Variants in BBS9 observed in about 807,000 individuals in gnomAD.
BBS9 encodes Bardet-Biedl syndrome 9.
In BBS9, 89 loss-of-function variants were observed where a neutral mutation model predicts 117.7. That is an observed-to-expected ratio of 0.76 (90% confidence interval 0.64 to 0.90). The LOEUF (loss-of-function observed/expected upper bound fraction) is 0.90, where lower values mean the gene tolerates loss of function less well. Among genes scored for constraint, BBS9 ranks in the 40% least tolerant of loss-of-function variants. The pLI is 0.00. For missense variants in BBS9, 982 were observed against 1,042.2 expected, an observed-to-expected ratio of 0.94 and a Z score of 0.80; for synonymous variants, 379 against 370.9, an observed-to-expected ratio of 1.02 and a Z score of -0.25.
intron 9 of BBS9, among the ~76,000 whole-genome samples, chr7:33,274,392 T>A (rs1235215444): frequency 1.3e-5 from 2 of 152,244 alleles, no homozygotes; most frequent in Non-Finnish European, 2.9e-5. Context: ...GAATTGTTAA[T>A]GATCATGTGT....
intron 19 of BBS9, among the ~76,000 whole-genome samples, chr7:33,401,026 T>C (rs572771879): frequency 6.6e-6 from 1 of 152,344 alleles, no homozygotes; most frequent in Admixed American, 6.5e-5. Flanking sequence ...GGGCCACCTG[T>C]ATTTTTGTTT....
chr7:33,167,778 G>A (rs548217289), intron 4 of BBS9, among the ~76,000 whole-genome samples: 19 of 152,150 alleles, frequency 1.2e-4, no homozygotes, highest in Admixed American at 4.6e-4. Flanking sequence ...AGTGCTTGTC[G>A]GGGTCCTTTC....
chr7:33,158,145 C>A (rs769006584), intron 4 of BBS9, among the ~76,000 whole-genome samples: 10 of 152,306 alleles, frequency 6.6e-5, no homozygotes, highest in South Asian at 2.1e-4. Flanking sequence ...TTTTGACAGT[C>A]TTACGTAATC....
intron 16 of BBS9, among the ~76,000 whole-genome samples, chr7:33,367,346 T>G (rs1203036807): frequency 6.6e-6 from 1 of 152,224 alleles, no homozygotes; most frequent in Admixed American, 6.5e-5. Context: ...TTTGATGTGT[T>G]TTACTCCATT....
intron 1 of BBS9, among the ~76,000 whole-genome samples, chr7:33,136,338 G>T (rs889081347): frequency 3.9e-5 from 6 of 152,092 alleles, no homozygotes; most frequent in African/African-American, 4.8e-5. Context: ...CAATTTGGAA[G>T]CCTTTTATTT....
intron 19 of BBS9, among the ~76,000 whole-genome samples, chr7:33,406,656 T>C (rs4720117): frequency 0.61 from 91,329 of 148,612 alleles, 27,863 homozygotes; most frequent in African/African-American, 0.69. Context: ...TCAGCATTTG[T>C]TTGTCTGTAA....
At chr7:33,407,239 T>C (rs983306589) in intron 19 of BBS9, among the ~76,000 whole-genome samples, 16 of 152,236 alleles carry the variant, frequency 1.1e-4, no homozygotes, top group Admixed American at 1.0e-3. Context: ...CTCCTGAGGC[T>C]TCTGCATTCT....
chr7:33,363,334 C>T (rs1241884482), intron 16 of BBS9, among the ~76,000 whole-genome samples: 3 of 152,174 alleles, frequency 2.0e-5, no homozygotes, highest in Non-Finnish European at 4.4e-5. Flanking sequence ...AACTCCTGAC[C>T]TCAGGTGATC....
At chr7:33,451,984 G>T (rs1362190396) in intron 19 of BBS9, among the ~76,000 whole-genome samples, 3 of 151,910 alleles carry the variant, frequency 2.0e-5, no homozygotes, top group Non-Finnish European at 2.9e-5. Context: ...CAGGTGTGCA[G>T]CACCATGCCC....
At chr7:33,403,208 T>C (rs1829236152) in intron 19 of BBS9, among the ~76,000 whole-genome samples, 1 of 151,960 alleles carries the variant, frequency 6.6e-6, no homozygotes, top group South Asian at 2.1e-4. Context: ...GTAGTGAACA[T>C]GGTACCCAGT....
intron 9 of BBS9, among the ~76,000 whole-genome samples, chr7:33,315,161 G>C (rs1320959233): frequency 6.6e-6 from 1 of 152,126 alleles, no homozygotes; most frequent in African/African-American, 2.4e-5. Flanking sequence ...TTCTCTCACG[G>C]TTCTGGAGGA....
intron 9 of BBS9, among the ~76,000 whole-genome samples, chr7:33,281,366 CTTTTTTTTTTT>C (rs397890694): frequency 3.4e-4 from 15 of 43,852 alleles, no homozygotes; most frequent in African/African-American, 1.4e-3. Context: ...TGGTCTATGC[CTTTTTTTTTTT>C]TTTTTTTTTT....
At chr7:33,149,979 C>T (rs530606046) in intron 2 of BBS9, among the ~76,000 whole-genome samples, 57 of 152,170 alleles carry the variant, frequency 3.7e-4, no homozygotes, top group Admixed American at 8.5e-4. Context: ...GGAAGCTCAG[C>T]GGGGAATGTT....
intron 21 of BBS9, among the ~76,000 whole-genome samples, chr7:33,612,598 G>A (rs1266348369): frequency 2.0e-5 from 3 of 151,860 alleles, no homozygotes; most frequent in Non-Finnish European, 2.9e-5. Context: ...TCATTTGCAT[G>A]TATATCATTG....
At chr7:33,233,198 G>A (rs1015401607) in intron 5 of BBS9, among the ~76,000 whole-genome samples, 15 of 152,048 alleles carry the variant, frequency 9.9e-5, no homozygotes, top group African/African-American at 1.7e-4. Context: ...TTGGTGATGC[G>A]AAAGTGTTAA....
At chr7:33,602,644 G>C (rs1214023294) in intron 21 of BBS9, among the ~76,000 whole-genome samples, 2 of 152,146 alleles carry the variant, frequency 1.3e-5, no homozygotes, top group East Asian at 3.9e-4. Flanking sequence ...CAGGAGAATC[G>C]CTTGAACCTG....
intron 19 of BBS9, among the ~76,000 whole-genome samples, chr7:33,470,415 G>A (rs181692046): frequency 1.9e-4 from 28 of 150,562 alleles, no homozygotes; most frequent in East Asian, 1.8e-3. Context: ...TTTTTCTATT[G>A]CTATTCAGCT....
intron 21 of BBS9, among the ~76,000 whole-genome samples, chr7:33,578,788 T>G (rs893413239): frequency 2.6e-5 from 4 of 152,184 alleles, no homozygotes; most frequent in Admixed American, 2.0e-4. Context: ...CTATCCCATA[T>G]CAGTATATAA....
chr7:33,251,227 G>T (rs1055877547), intron 5 of BBS9, among the ~76,000 whole-genome samples: 1 of 152,140 alleles, frequency 6.6e-6, no homozygotes, highest in Non-Finnish European at 1.5e-5. Flanking sequence ...TTTTGGAAAA[G>T]CCAAATGGCC....
Sources: allele counts gnomAD v4.1 joint callset (sites outside exome capture counted in the v4.1 genomes callset), GRCh38; gene constraint gnomAD v4.1.1; transcripts MANE v1.5; gene names NCBI Gene and HGNC (gene_info 2026-07-23, HGNC 2026-07-21).